CIC: variants seen among roughly 807,000 people sequenced by gnomAD.
The protein encoded by CIC is protein capicua homolog.
CIC carries 18 observed loss-of-function variants against 115.7 expected under a neutral mutation model. The observed-to-expected ratio is 0.16, with a 90% CI of 0.11 to 0.23. The LOEUF is 0.23. Among genes scored for constraint, CIC ranks in the 10% least tolerant of loss-of-function variants. The pLI is 1.00. For synonymous variants in CIC, 1,076 were observed against 923.0 expected, an observed-to-expected ratio of 1.17 and a Z score of -3.01; for missense variants, 2,000 against 2,159.3, an observed-to-expected ratio of 0.93 and a Z score of 1.46.
Position 42,272,026 on chromosome 19 carries a change from C to T in CIC, c.243C>T (p.His81=). 3 of 398,932 alleles carry T rather than the reference C, an allele frequency of 7.5e-6. No individual in the cohort carries two copies. The highest frequency in any genetic ancestry group is 4.1e-5 in the African/African-American group (2 of 48,762). The allele number at this position is 398,932 out of a possible 1,614,324, so 24.7% of individuals were successfully genotyped here. A position where few individuals can be genotyped will look rare whatever the true frequency, so the allele number is the denominator to read the frequency against. Residue 81 remains histidine (H), a synonymous_variant, in exon 2 of 21, where the codon CAC becomes CAT. Transcript: ENST00000681038. The part of the protein sequence containing the change: ...PGAEGPPLEL[H]PGDPAPGPAE... ...CTGAAGGTCCTCCACTGGAGCTGCA[C>T]CCTGGCGACCCGGCTCCAGGCCCAG...
At position 42,292,412 on chromosome 19, in the gene CIC, G is replaced by A; in HGVS notation, c.5848G>A (p.Gly1950Ser). The A allele has an allele frequency of 6.2e-7, 1 of 1,611,748 alleles. No individual in the cohort carries two copies. The highest frequency in any genetic ancestry group is 1.1e-5 in the South Asian group (1 of 91,060). The change falls in exon 14 of 21, where the codon GGC (glycine) becomes AGC (serine). Residue 1950 changes from glycine (G) to serine (S), a missense_variant. Gly to Ser is a moderately conservative substitution (Grantham distance 56). This residue lies in a region of CIC where 1,466 missense variants were observed against 1,390.4 expected (regional missense o/e 1.05). Transcript: ENST00000681038. The stretch of plus-strand genomic sequence containing the variant: ...CGGGCCCACGAGCTCTGTAGCTCTA[G>A]GCTTCACCTCGCTGGGGCCCAGCGG... The part of the protein sequence containing the change: ...SYGPTSSVAL[G>S]FTSLGPSGPA...
chr19:42,268,873 T>C (rs1460715472), upstream of CIC, among the ~76,000 whole-genome samples: 2 of 152,208 alleles, frequency 1.3e-5, no homozygotes, highest in African/African-American at 4.8e-5. Flanking sequence ...CCTCCTTTCA[T>C]TTCATTGGCT....
Position 42,291,112 on chromosome 19 carries a change from G to A in CIC, c.5071G>A (p.Ala1691Thr). The A allele has an allele frequency of 1.2e-6, 2 of 1,610,248 alleles. No homozygotes were observed. Among genetic ancestry groups the A allele is most frequent in the Non-Finnish European group, 1.7e-6 (2 of 1,177,370 alleles). The stretch of plus-strand genomic sequence containing the variant: ...TGCGCCCCCTGCTGTCCAGTTCATT[G>A]CCCAGGGGGCCCCTGGTGGTGGGAC... ...APAPPAVQFI[A>T]QGAPGGGTTA... The change falls in exon 11 of 21, where the codon GCC becomes ACC. Residue 1691 changes from alanine to threonine, a missense_variant. Around this residue, in one of 8 missense-constraint regions of CIC, gnomAD observed 1,466 missense variants for 1,390.4 expected, o/e 1.05. Coordinates refer to ENST00000681038, the MANE Select transcript of CIC (RefSeq NM_001386298.1).
In CIC at chr19:42,294,493, C is replaced by G. The variant is rs2038374210; in HGVS notation, c.7055-111C>G. 3.8e-6 allele frequency: 6 copies of G among 1,576,132 alleles called. No homozygotes were observed. The Admixed American group carries it at 6.8e-5, about 18-fold the overall frequency. The stretch of plus-strand genomic sequence containing the variant: ...CTGTGACTGTGGGCAGGACCCCTCT[C>G]TGACTCCCCTGTGAAATAGAATGCA... On this transcript the variant is annotated intron_variant, in intron 19 of 20. Transcript: ENST00000681038.
chr19:42,289,841 C>T lies in CIC; in HGVS notation c.4088-7C>T. 3 of 1,588,084 alleles carry T rather than the reference C, an allele frequency of 1.9e-6. No individual in the cohort carries two copies. Among genetic ancestry groups the T allele is most frequent in the East Asian group, 2.3e-5 (1 of 44,094 alleles). On this transcript the variant is annotated splice_polypyrimidine_tract_variant and splice_region_variant and intron_variant, in intron 9 of 20. Transcript: ENST00000681038. Reference sequence around the variant, plus strand: ...CCCTCCCCATACTGTTCCCTCCACTCCCTCAGCTGACGATGGCTTCGGCAC... The same window carrying T: ...CCCTCCCCATACTGTTCCCTCCACTTCCTCAGCTGACGATGGCTTCGGCAC...
intron 16 of CIC, 139 bp downstream of exon 16, chr19:42,293,420 G>C: frequency 7.4e-7 from 1 of 1,350,096 alleles, no homozygotes; most frequent in Non-Finnish European, 1.0e-6. Context: ...CCTTCTGCCT[G>C]CCTGTGTTGT....
chr19:42,281,814 G>A (rs569768000), intron 2 of CIC, among the ~76,000 whole-genome samples: 1 of 152,264 alleles, frequency 6.6e-6, no homozygotes, highest in South Asian at 2.1e-4. Flanking sequence ...CGTGGGCACT[G>A]TGTATTCTAC....
Position 42,295,068 on chromosome 19 carries a change from G to C in CIC, c.7431G>C (p.Thr2477=), listed in dbSNP as rs1344594931. Residue 2477 remains threonine (T), a synonymous_variant, in exon 21 of 21, where the codon ACG becomes ACC. Transcript: ENST00000681038. ...DPTSPSSDSG[T]AQAAPPLPPP... is the part of the protein sequence containing the mutation. ...CCTCACCCAGCTCGGACTCTGGCAC[G>C]GCCCAGGCTGCCCCGCCACTGCCTC... The C allele has an allele frequency of 6.6e-7, 1 of 1,520,220 alleles. No individual in the cohort carries two copies. Among genetic ancestry groups the C allele is most frequent in the Non-Finnish European group, 8.8e-7 (1 of 1,138,844 alleles). 94.2% of individuals were successfully genotyped at this position (1,520,220 alleles called of 1,614,324 possible).
At chr19:42,288,838 T>C in intron 7 of CIC, 50 bp from the exon 8 acceptor site, 1 of 1,545,234 alleles carries the variant, frequency 6.5e-7, no homozygotes, top group Non-Finnish European at 8.9e-7. Flanking sequence ...CCAGTCTAGG[T>C]GCTGGTGACA....
chr19:42,269,808 G>C (rs1477201093), intron 1 of CIC, among the ~76,000 whole-genome samples: 2 of 151,822 alleles, frequency 1.3e-5, no homozygotes, highest in African/African-American at 4.9e-5. Context: ...GGTAGAGATA[G>C]AGGTAGTGAC....
At position 42,291,691 on chromosome 19, in the gene CIC, G is replaced by A. The variant is rs1369491251; in HGVS notation, c.5559G>A (p.Leu1853=). ...GAGGGGCCGGCCAGCCACTGCCACT[G>A]GTGAGCCCGCCCTTCTCAGTACCTG... ...RGGGAGQPLP[L]VSPPFSVPVQ... is the part of the protein sequence containing the mutation. The change falls in exon 12 of 21, where the codon CTG becomes CTA. Residue 1853 remains leucine (L), a synonymous_variant. Coordinates refer to ENST00000681038, the MANE Select transcript of CIC (RefSeq NM_001386298.1). The A allele has an allele frequency of 6.2e-7, 1 of 1,612,976 alleles. No homozygotes were observed. The highest frequency in any genetic ancestry group is 1.1e-5 in the South Asian group (1 of 91,086).
intron 20 of CIC, 32 bp downstream of exon 20, chr19:42,294,767 G>C (rs766572549): frequency 1.9e-6 from 3 of 1,611,042 alleles, no homozygotes; most frequent in Non-Finnish European, 2.5e-6. Context: ...GGGGTCACTC[G>C]GGTGGGACTT....
chr19:42,289,172 A>G lies in CIC; in HGVS notation c.3862-9A>G, dbSNP rs371363377. On this transcript the variant is annotated splice_polypyrimidine_tract_variant and intron_variant, in intron 8 of 20. Transcript: ENST00000681038. ...CCCCGCTGAACCCTCTCTGCCACCT[A>G]TCCTGCAGATGGTGTCTGGCCCTGC... 19 of 1,613,144 alleles carry G rather than the reference A, an allele frequency of 1.2e-5. No homozygotes were observed. The highest frequency in any genetic ancestry group is 8.8e-5 in the South Asian group (8 of 91,092).
chr19:42,286,673 A>C, intron 2 of CIC, 98 bp from the exon 3 acceptor site: 1 of 1,511,836 alleles, frequency 6.6e-7, no homozygotes, highest in Non-Finnish European at 9.0e-7. Flanking sequence ...GGGGTAGACA[A>C]AAGGGGTGGG....
At chr19:42,288,072 C>T (rs1010747234) in intron 7 of CIC, 97 bp downstream of exon 7, 5 of 1,391,396 alleles carry the variant, frequency 3.6e-6, no homozygotes, top group Admixed American at 2.0e-5. Context: ...AGCAGCTCCT[C>T]TCTGCTCTAT....
rs1467570102 is a variant in CIC at position 42,271,827 on chromosome 19, G to A, written c.44G>A (p.Gly15Asp). The change falls in exon 2 of 21, where the codon GGC (glycine) becomes GAC (aspartate). Residue 15 changes from glycine to aspartate, a missense_variant. By Grantham distance (94) the Gly-to-Asp change is moderately conservative. Transcript: ENST00000681038. Reference sequence around the variant, plus strand: ...GCATGCACTGGCCTTTCAGGTCCTGGCAGTGGCAGCAAGTCCCCCCCAGCC... The same window carrying A: ...GCATGCACTGGCCTTTCAGGTCCTGACAGTGGCAGCAAGTCCCCCCCAGCC... ...KKACTGLSGPGSGSKSPPATR... is the reference protein window; with the variant it reads ...KKACTGLSGPDSGSKSPPATR... 1 of 398,756 alleles carries A rather than the reference G, an allele frequency of 2.5e-6. No individual in the cohort carries two copies. 24.7% of individuals were successfully genotyped at this position (398,756 alleles called of 1,614,324 possible).
At chr19:42,289,747 C>T in intron 9 of CIC, 101 bp from the exon 10 acceptor site, 1 of 1,084,428 alleles carries the variant, frequency 9.2e-7, no homozygotes, top group Non-Finnish European at 1.4e-6. Flanking sequence ...ACAGCACTCC[C>T]TGCCGGTTTG....
At position 42,292,215 on chromosome 19, in the gene CIC, C is replaced by G. The variant is rs778655616; in HGVS notation, c.5735+8C>G. On this transcript the variant is annotated splice_region_variant and intron_variant, in intron 13 of 20. Transcript: ENST00000681038. ...GTTGCCCTCCTCCACCAGGTAATTGCAGCTGAGCCCATACTCAGAGGCCAG... is the reference window on the plus strand; with the variant it reads ...GTTGCCCTCCTCCACCAGGTAATTGGAGCTGAGCCCATACTCAGAGGCCAG... The G allele has an allele frequency of 4.3e-6, 7 of 1,613,978 alleles. No homozygotes were observed. In the South Asian group the frequency reaches 7.7e-5, roughly 18 times the overall value.
chr19:42,293,068 AGGT>A lies in CIC; in HGVS notation c.6311_6313del (p.Gly2104del). 6.2e-7 allele frequency: 1 copy of A among 1,612,014 alleles called. No homozygotes were observed. The highest frequency in any genetic ancestry group is 1.1e-5 in the South Asian group (1 of 90,988). On this transcript the variant is annotated inframe_deletion, in exon 16 of 21. Transcript: ENST00000681038. ...GCATTCCCGTGGGGTCCTTTGAGGC[AGGT>A]GCCTCTGGGCGGCCTGGCCCTGCAC... is the stretch of plus-strand genomic sequence containing the variant.
Sources: gnomAD v4.1 joint callset for allele counts (sites outside exome capture counted in the v4.1 genomes callset) on GRCh38, gnomAD v4.1.1 for gene constraint, gnomAD v4.1.1 regional missense constraint, MANE v1.5 for transcripts, NCBI Gene and HGNC (gene_info 2026-07-23, HGNC 2026-07-21) for gene names.